Variants in COL1A2 observed in about 807,000 individuals in gnomAD.
The protein encoded by COL1A2 is collagen alpha-2(I) chain.
COL1A2 carries 49 observed loss-of-function variants against 174.3 expected under a neutral mutation model. The ratio of observed to expected loss-of-function variants is 0.28; its 90% CI spans 0.22 to 0.36. The LOEUF is 0.36. COL1A2 is among the 10% of genes least tolerant of loss of function. The pLI, the probability that COL1A2 is intolerant of heterozygous loss-of-function variation, is 1.00. For synonymous variants in COL1A2, 655 were observed against 606.6 expected (o/e 1.08, Z -1.17); for missense variants, 1,438 against 1,822.7 (o/e 0.79, Z 3.84).
intron 19 of COL1A2, 38 bp downstream of exon 19, chr7:94,409,859 T>C: frequency 3.2e-6 from 5 of 1,570,592 alleles, no homozygotes; most frequent in Middle Eastern, 1.7e-4. Flanking sequence ...CATCCTGAAA[T>C]ACCACCTCTG....
chr7:94,407,828 T>C lies in COL1A2; in HGVS notation c.595-19T>C. The C allele has an allele frequency of 6.2e-7, 1 of 1,612,926 alleles. No individual in the cohort carries two copies. The highest frequency in any genetic ancestry group is 8.5e-7 in the Non-Finnish European group (1 of 1,179,244). ...ATTGTTATATTTAATGAACAAAAAC[T>C]CAATCCTTCTCCATGTAGGGTGAAC... On this transcript the variant is annotated intron_variant, in intron 12 of 51. Coordinates refer to ENST00000297268, the MANE Select transcript of COL1A2 (RefSeq NM_000089.4).
chr7:94,418,724 G>C (rs1792093978), intron 33 of COL1A2, among the ~76,000 whole-genome samples, 172 bp downstream of exon 33: 1 of 151,792 alleles, frequency 6.6e-6, no homozygotes, highest in Non-Finnish European at 1.5e-5. Flanking sequence ...ATGTTCCAAA[G>C]GAAAAATTAA....
chr7:94,430,329 C>A lies in COL1A2; in HGVS notation c.4037C>A (p.Pro1346His). Reference sequence around the variant, plus strand: ...CGCCTGCCCTTCCTTGATATTGCACCTTTGGACATCGGTGGTGCTGACCAG... The same window carrying A: ...CGCCTGCCCTTCCTTGATATTGCACATTTGGACATCGGTGGTGCTGACCAG... ...PSRLPFLDIA[P>H]LDIGGADQEF... The change falls in exon 52 of 52, where the codon CCT becomes CAT. Residue 1346 changes from proline (P) to histidine (H), a missense_variant. Pro to His is a moderately conservative substitution (Grantham distance 77). Transcript: ENST00000297268. 6.2e-7 allele frequency: 1 copy of A among 1,614,068 alleles called. No homozygotes were observed. Among genetic ancestry groups the A allele is most frequent in the Non-Finnish European group, 8.5e-7 (1 of 1,179,960 alleles).
chr7:94,425,220 G>C lies in COL1A2; in HGVS notation c.2777G>C (p.Arg926Pro), dbSNP rs200331961. The C allele has an allele frequency of 6.2e-7, 1 of 1,613,544 alleles. No individual in the cohort carries two copies. The highest frequency in any genetic ancestry group is 1.1e-5 in the South Asian group (1 of 91,078). ...GVNGAPGEAGRDGNPGNDGPP... is the reference protein window; with the variant it reads ...GVNGAPGEAGPDGNPGNDGPP... The stretch of plus-strand genomic sequence containing the variant: ...AACGGTGCTCCTGGTGAAGCTGGTC[G>C]TGATGTGAGTCCAACACTTGGTTTG... Residue 926 changes from arginine to proline, a missense_variant, in exon 42 of 52, where the codon CGT (arginine) becomes CCT (proline). Arg to Pro is a moderately radical substitution (Grantham distance 103, BLOSUM62 -2). This residue lies in a region of COL1A2 where 867 missense variants were observed against 1,213.7 expected (regional missense o/e 0.71). Transcript: ENST00000297268.
intron 3 of COL1A2, among the ~76,000 whole-genome samples, chr7:94,398,626 C>T (rs186113784): frequency 4.4e-4 from 66 of 150,582 alleles, no homozygotes; most frequent in Admixed American, 1.4e-3. Context: ...TGGTGATTTA[C>T]ATACAAAAGG....
rs1308566964 is a variant in COL1A2, at chr7:94,427,719, C to T, written c.3360C>T (p.Asp1120=). 5 of 1,614,112 alleles carry T rather than the reference C, an allele frequency of 3.1e-6. No homozygotes were observed. In the South Asian group the frequency reaches 5.5e-5, roughly 18 times the overall value. ...FGYDGDFYRA[D]QPRSAPSLRP... Reference sequence around the variant, plus strand: ...ACGATGGAGACTTCTACAGGGCTGACCAGCCTCGCTCAGCACCTTCTCTCA... The same window carrying T: ...ACGATGGAGACTTCTACAGGGCTGATCAGCCTCGCTCAGCACCTTCTCTCA... Residue 1120 remains aspartate, a synonymous_variant, in exon 49 of 52, where the codon GAC becomes GAT. Transcript: ENST00000297268.
At chr7:94,416,735 A>G (rs1021717750) in intron 31 of COL1A2, 4 of 557,586 alleles carry the variant, frequency 7.2e-6, no homozygotes, top group South Asian at 4.4e-5. Flanking sequence ...ACATAAATGA[A>G]TTAGTATGGG....
intron 6 of COL1A2, 98 bp downstream of exon 6, chr7:94,401,718 A>G: frequency 1.3e-6 from 1 of 760,868 alleles, no homozygotes; most frequent in Non-Finnish European, 2.2e-6. Context: ...ACCTAAGTTA[A>G]CACTCAATAC....
At chr7:94,397,654 C>T (rs1791609406) in intron 1 of COL1A2, 94 bp from the exon 2 acceptor site, 1 of 727,290 alleles carries the variant, frequency 1.4e-6, no homozygotes, top group African/African-American at 1.8e-5. Context: ...TAATTCAATT[C>T]TATAAACTTG....
rs777486064 is a variant in COL1A2, at chr7:94,421,972, C to A, written c.2403+20C>A. The A allele has an allele frequency of 1.2e-6, 2 of 1,611,600 alleles. No homozygotes were observed. The highest frequency in any genetic ancestry group is 2.2e-5 in the South Asian group (2 of 90,958). ...CCCTCTGTAAGTAAATCACTGTAAA[C>A]GTGTCTTCATTTACTCTAGCCAAAA... On this transcript the variant is annotated intron_variant, in intron 39 of 51. Transcript: ENST00000297268.
intron 48 of COL1A2, 136 bp downstream of exon 48, chr7:94,427,431 G>T (rs1792301995): frequency 9.3e-7 from 1 of 1,073,486 alleles, no homozygotes; most frequent in Non-Finnish European, 1.4e-6. Context: ...TCTGGAAATT[G>T]TCTATATGCA....
intron 37 of COL1A2, 49 bp from the exon 38 acceptor site, chr7:94,420,960 T>C: frequency 6.4e-7 from 1 of 1,558,514 alleles, no homozygotes; most frequent in Non-Finnish European, 8.9e-7. Flanking sequence ...AGAGTAGCAT[T>C]TACAAGGGTT....
At chr7:94,421,218 A>G (rs1480142924) in intron 38 of COL1A2, 156 bp downstream of exon 38, 1 of 751,516 alleles carries the variant, frequency 1.3e-6, no homozygotes, top group East Asian at 2.7e-5. Context: ...ATTGATGTTA[A>G]CTTGAACTCA....
At position 94,426,009 on chromosome 7, in the gene COL1A2, T is replaced by C. The variant is rs755375347; in HGVS notation, c.2955T>C (p.Gly985=). 6.2e-7 allele frequency: 1 copy of C among 1,614,142 alleles called. No individual in the cohort carries two copies. The highest frequency in any genetic ancestry group is 2.2e-5 in the East Asian group (1 of 44,874). ...TTTTCATTTCACAGGGTCCTTCTGG[T>C]CCTGTTGGTCCTGCTGGTGCTGTTG... ...HGNRGETGPS[G]PVGPAGAVGP... Residue 985 remains glycine, a synonymous_variant, in exon 45 of 52, where the codon GGT becomes GGC. Transcript: ENST00000297268.
intron 5 of COL1A2, 60 bp from the exon 6 acceptor site, chr7:94,401,507 A>G (rs772118692): frequency 1.0e-4 from 78 of 753,788 alleles, no homozygotes; most frequent in Non-Finnish European, 1.3e-4. Context: ...AATGAACTAC[A>G]TGACTAGTAA....
chr7:94,408,524 T>C, intron 15 of COL1A2, 144 bp downstream of exon 15: 1 of 1,121,980 alleles, frequency 8.9e-7, no homozygotes, highest in Non-Finnish European at 1.3e-6. Flanking sequence ...CATTTATAAG[T>C]AGTGTAAGCC....
intron 28 of COL1A2, 46 bp from the exon 29 acceptor site, chr7:94,414,176 T>C (rs369294580): frequency 6.3e-5 from 101 of 1,599,602 alleles, no homozygotes; most frequent in Admixed American, 3.3e-4. Flanking sequence ...GCAAATCTCC[T>C]GAACGTAGCC....
chr7:94,394,903 G>T lies in COL1A2; in HGVS notation c.-129G>T. ...CCGGGCTTTATTATTTTAGCACCAC[G>T]GCAGCAGGAGGTTTCGGCTAAGTTG... On this transcript the variant is annotated 5_prime_UTR_variant, in exon 1 of 52. Coordinates refer to ENST00000297268, the MANE Select transcript of COL1A2 (RefSeq NM_000089.4). 2.6e-6 allele frequency: 2 copies of T among 770,380 alleles called. No individual in the cohort carries two copies. The highest frequency in any genetic ancestry group is 4.7e-6 in the Non-Finnish European group (2 of 423,124). The allele number at this position is 770,380 out of a possible 1,614,324, so 47.7% of individuals were successfully genotyped here. A position where few individuals can be genotyped will look rare whatever the true frequency, so the allele number is the denominator to read the frequency against.
chr7:94,416,706 A>G (rs1166410008), intron 31 of COL1A2: 21 of 582,736 alleles, frequency 3.6e-5, no homozygotes, highest in African/African-American at 3.7e-5. Context: ...ACTGTGGGGG[A>G]AAATTCAGAG....
Sources: allele counts gnomAD v4.1 joint callset (sites outside exome capture counted in the v4.1 genomes callset), GRCh38; gene constraint gnomAD v4.1.1; regional missense constraint gnomAD v4.1.1; transcripts MANE v1.5; gene names NCBI Gene and HGNC (gene_info 2026-07-23, HGNC 2026-07-21).